Variants in CEACAM3 observed in about 807,000 individuals in gnomAD.
The protein encoded by CEACAM3 is cell adhesion molecule CEACAM3.
CEACAM3 carries 32 observed loss-of-function variants against 30.1 expected under a neutral mutation model. The observed-to-expected ratio is 1.06, with a 90% confidence interval of 0.80 to 1.43. CEACAM3 has a LOEUF of 1.43. CEACAM3 is among the 40% of genes most tolerant of loss of function. CEACAM3 has a pLI of 0.00. For missense variants in CEACAM3, 290 were observed against 316.3 expected, an observed-to-expected ratio of 0.92 and a Z score of 0.63; for synonymous variants, 134 against 127.2, an observed-to-expected ratio of 1.05 and a Z score of -0.36.
In CEACAM3 at chr19:41,807,119, C is replaced by T. The variant is rs532625451; in HGVS notation, c.425-1694C>T. ...CTCTGTTTTCTGCACAGCGGAGCTG[C>T]CCAAGCCCTCCATCTCCAGCAACAA... On this transcript the variant is annotated intron_variant, in intron 2 of 6. Transcript: ENST00000357396. The T allele has an allele frequency of 4.8e-4, 772 of 1,609,954 alleles. 14 individuals carry two copies. The South Asian group carries it at 8.2e-3, about 17-fold the overall frequency.
intron 6 of CEACAM3, 131 bp downstream of exon 6, chr19:41,811,028 G>A (rs2073245992): frequency 2.4e-6 from 3 of 1,258,856 alleles, no homozygotes; most frequent in South Asian, 2.6e-5. Flanking sequence ...GCGAGCAGAG[G>A]AGGGAGGGGC....
At chr19:41,802,732 G>A (rs376296433) in intron 2 of CEACAM3, among the ~76,000 whole-genome samples, 29 of 152,302 alleles carry the variant, frequency 1.9e-4, no homozygotes, top group African/African-American at 3.1e-4. Context: ...AAAGATCTCC[G>A]TGAATTCTAT....
chr19:41,799,805 G>A (rs983289872), intron 2 of CEACAM3, among the ~76,000 whole-genome samples: 1 of 152,134 alleles, frequency 6.6e-6, no homozygotes, highest in Non-Finnish European at 1.5e-5. Flanking sequence ...TTCAGAGACC[G>A]GATCTTGGAT....
intron 3 of CEACAM3, 126 bp downstream of exon 3, chr19:41,809,056 C>G (rs924967775): frequency 1.5e-6 from 1 of 679,866 alleles, no homozygotes; most frequent in Non-Finnish European, 2.5e-6. Context: ...GGATCCTTCC[C>G]TCTTATTCCA....
Position 41,805,285 on chromosome 19 carries a change from C to CT in CEACAM3, c.425-3504dup, listed in dbSNP as rs782317671. Among the ~76,000 whole-genome samples the CT allele has an allele frequency of 3.3e-3, 348 of 105,014 alleles. 3 individuals are homozygous for CT. The highest frequency in any genetic ancestry group is 8.1e-3 in the African/African-American group (226 of 27,766). 68.9% of individuals were successfully genotyped at this position (105,014 alleles called of 152,430 possible). On this transcript the variant is annotated intron_variant, in intron 2 of 6. Transcript: ENST00000357396. ...CTCTGCTCTTTTATTCTTTTTTCTT[C>CT]TTTTTTTTTTTTTTTTTTTTTTTTA...
At chr19:41,802,287 T>C (rs1262292292) in intron 2 of CEACAM3, among the ~76,000 whole-genome samples, 2 of 152,280 alleles carry the variant, frequency 1.3e-5, no homozygotes, top group East Asian at 1.9e-4. Context: ...GGTGTCCAAT[T>C]TGGCATGTAA....
At chr19:41,798,806 G>T (rs1295173039) in intron 2 of CEACAM3, among the ~76,000 whole-genome samples, 1 of 152,118 alleles carries the variant, frequency 6.6e-6, no homozygotes, top group East Asian at 1.9e-4. Context: ...TAAATATTTT[G>T]AGATTAATTC....
chr19:41,810,352 T>C lies in CEACAM3; in HGVS notation c.625T>C (p.Ser209Pro), dbSNP rs781956340. Reference sequence around the variant, plus strand: ...TGGTCCCTCCCACAGCTCTGCCTTCTCGGTAAGCCTGTCCCCTTCCAGCCC... The same window carrying C: ...TGGTCCCTCCCACAGCTCTGCCTTCCCGGTAAGCCTGTCCCCTTCCAGCCC... ...GRGPSHSSAF[S>P]MSPLSTAQAP... The change falls in exon 5 of 7, where the codon TCG becomes CCG. Residue 209 changes from serine (S) to proline (P), a missense_variant and splice_region_variant. Coordinates refer to ENST00000357396, the MANE Select transcript of CEACAM3 (RefSeq NM_001815.5). 5 of 1,602,778 alleles carry C rather than the reference T, an allele frequency of 3.1e-6. No homozygotes were observed. The South Asian group carries it at 5.7e-5, about 18-fold the overall frequency.
At chr19:41,800,819 T>A (rs1458096816) in intron 2 of CEACAM3, among the ~76,000 whole-genome samples, 2 of 152,120 alleles carry the variant, frequency 1.3e-5, no homozygotes, top group African/African-American at 4.8e-5. Flanking sequence ...ATCCAATAAA[T>A]AACAGCGCAG....
At chr19:41,810,497 G>C (rs1349119713) in intron 5 of CEACAM3, 143 bp downstream of exon 5, 1 of 1,023,394 alleles carries the variant, frequency 9.8e-7, no homozygotes, top group East Asian at 2.6e-5. Context: ...CCCTGGCCAG[G>C]AGCTGGGCCT....
intron 3 of CEACAM3, 22 bp downstream of exon 3, chr19:41,808,952 C>T (rs11669084): frequency 6.6e-7 from 1 of 1,506,850 alleles, no homozygotes; most frequent in African/African-American, 1.4e-5. Flanking sequence ...TTTTCCCATC[C>T]TTCTCCCACC....
At chr19:41,799,105 T>C (rs1482197447) in intron 2 of CEACAM3, among the ~76,000 whole-genome samples, 1 of 152,172 alleles carries the variant, frequency 6.6e-6, no homozygotes, top group Non-Finnish European at 1.5e-5. Flanking sequence ...AATGGAAAAT[T>C]AATCAATTTT....
At chr19:41,803,179 TA>T (rs1488405398) in intron 2 of CEACAM3, among the ~76,000 whole-genome samples, 1 of 151,992 alleles carries the variant, frequency 6.6e-6, no homozygotes, top group African/African-American at 2.4e-5. Flanking sequence ...GTTAATACAG[TA>T]AAGGTTATGA....
chr19:41,802,614 G>C (rs1464810094), intron 2 of CEACAM3, among the ~76,000 whole-genome samples: 4 of 152,168 alleles, frequency 2.6e-5, no homozygotes, highest in Non-Finnish European at 5.9e-5. Flanking sequence ...GACAAGGAGG[G>C]ACTCTTTTGT....
chr19:41,797,411 A>G, intron 1 of CEACAM3, 178 bp from the exon 2 acceptor site: 1 of 784,834 alleles, frequency 1.3e-6, no homozygotes, highest in East Asian at 2.6e-5. Context: ...TCCACACAGG[A>G]AAATGCCAAG....
chr19:41,809,153 CCT>C, intron 3 of CEACAM3: 3 of 433,086 alleles, frequency 6.9e-6, no homozygotes. Flanking sequence ...AGGCCCCACC[CCT>C]GAGTGTGGCC....
intron 2 of CEACAM3, among the ~76,000 whole-genome samples, 171 bp from the exon 3 acceptor site, chr19:41,808,642 G>T (rs1555827122): frequency 6.6e-6 from 1 of 152,222 alleles, no homozygotes; most frequent in Non-Finnish European, 1.5e-5. Context: ...TGCAGAAAAT[G>T]GTGCCACCAT....
chr19:41,810,698 G>A, intron 5 of CEACAM3, 134 bp from the exon 6 acceptor site: 1 of 844,464 alleles, frequency 1.2e-6, no homozygotes, highest in Non-Finnish European at 2.0e-6. Flanking sequence ...ACACTGGGAG[G>A]CTGAGCTCAG....
intron 2 of CEACAM3, among the ~76,000 whole-genome samples, chr19:41,798,285 G>C (rs1555825567): frequency 6.6e-6 from 1 of 152,068 alleles, no homozygotes; most frequent in East Asian, 1.9e-4. Context: ...TGGCCTGAGG[G>C]GTCCCCCTAG....
Sources: allele counts gnomAD v4.1 joint callset (sites outside exome capture counted in the v4.1 genomes callset), GRCh38; gene constraint gnomAD v4.1.1; transcripts MANE v1.5; gene names NCBI Gene and HGNC (gene_info 2026-07-23, HGNC 2026-07-21).